JAZF1: variants seen among roughly 807,000 people sequenced by gnomAD.
JAZF1 encodes JAZF zinc finger 1, also known as juxtaposed with another zinc finger protein 1.
Under a neutral mutation model 26.4 loss-of-function variants are expected in JAZF1, and 8 were observed. The ratio of observed to expected loss-of-function variants is 0.30; its 90% confidence interval spans 0.18 to 0.55. The LOEUF is 0.55. JAZF1 is among the 20% of genes least tolerant of loss of function. The pLI is 0.94. For synonymous variants in JAZF1, 126 were observed against 122.3 expected, an observed-to-expected ratio of 1.03 and a Z score of -0.20; for missense variants, 199 against 322.0, an observed-to-expected ratio of 0.62 and a Z score of 2.92.
chr7:28,176,683 G>A (rs1421348302), intron 1 of JAZF1, among the ~76,000 whole-genome samples: 1 of 152,010 alleles, frequency 6.6e-6, no homozygotes. Context: ...ACTTTGCCTG[G>A]CATAAACTAG....
intron 3 of JAZF1, among the ~76,000 whole-genome samples, chr7:27,849,773 A>C (rs1042296677): frequency 3.5e-5 from 4 of 114,006 alleles, no homozygotes; most frequent in South Asian, 2.4e-4. Context: ...ACACACACAC[A>C]CCCCTACACC....
intron 2 of JAZF1, among the ~76,000 whole-genome samples, chr7:27,902,084 T>C (rs1784170966): frequency 6.6e-6 from 1 of 152,216 alleles, no homozygotes; most frequent in African/African-American, 2.4e-5. Flanking sequence ...CTAACCTGAC[T>C]GGGTGAAAGG....
In JAZF1 at chr7:27,830,904, C is replaced by CTATT. The variant is rs1554326521; in HGVS notation, c.*1892_*1895dup. ...GAAAGAAATTTAACATGCACAATGA[C>CTATT]TATTTTATGACTGTTTAGCTGTTGA... On this transcript the variant is annotated 3_prime_UTR_variant, in exon 5 of 5. Coordinates refer to ENST00000283928, the MANE Select transcript of JAZF1 (RefSeq NM_175061.4). 4 of 215,672 alleles carry CTATT rather than the reference C, an allele frequency of 1.9e-5. No homozygotes were observed. The highest frequency in any genetic ancestry group is 9.0e-5 in the African/African-American group (4 of 44,416). The allele number at this position is 215,672 out of a possible 1,614,324, so 13.4% of individuals were successfully genotyped here.
At chr7:27,839,630 T>C (rs1782883874) in intron 4 of JAZF1, among the ~76,000 whole-genome samples, 1 of 152,138 alleles carries the variant, frequency 6.6e-6, no homozygotes, top group South Asian at 2.1e-4. Flanking sequence ...TTCATTTCAG[T>C]TTAAACAATG....
At position 27,883,450 on chromosome 7, in the gene JAZF1, T is replaced by C. The variant is rs553561451; in HGVS notation, c.385+11770A>G. 2.0e-5 allele frequency among the ~76,000 whole-genome samples: 3 copies of C among 152,314 alleles called. No homozygotes were observed. The East Asian group carries it at 5.8e-4, about 29-fold the overall frequency. ...ATTCAGGTTTTTAACTAAATGTAAA[T>C]GGTCAAGTGTGGTATAGGATCACTT... On this transcript the variant is annotated intron_variant, in intron 3 of 4. Transcript: ENST00000283928.
chr7:27,879,500 T>C (rs1170777594), intron 3 of JAZF1, among the ~76,000 whole-genome samples: 1 of 152,196 alleles, frequency 6.6e-6, no homozygotes, highest in Non-Finnish European at 1.5e-5. Flanking sequence ...TACGCTTTAG[T>C]ATCTTCTCTA....
chr7:27,836,329 A>G (rs1393403711), intron 4 of JAZF1, among the ~76,000 whole-genome samples: 1 of 152,084 alleles, frequency 6.6e-6, no homozygotes, highest in African/African-American at 2.4e-5. Context: ...GGGTTCCACC[A>G]TTAGGAACTA....
At chr7:27,966,415 T>C (rs1275790492) in intron 2 of JAZF1, among the ~76,000 whole-genome samples, 1 of 152,180 alleles carries the variant, frequency 6.6e-6, no homozygotes, top group East Asian at 1.9e-4. Context: ...TTGGGGTGGT[T>C]TGGCAACGGA....
chr7:28,069,922 C>T (rs749489949), intron 1 of JAZF1, among the ~76,000 whole-genome samples: 3 of 152,176 alleles, frequency 2.0e-5, no homozygotes, highest in Non-Finnish European at 2.9e-5. Context: ...ACTCCCCTGA[C>T]CTTGAGGCCC....
intron 1 of JAZF1, among the ~76,000 whole-genome samples, chr7:28,168,042 T>C (rs976003167): frequency 1.2e-4 from 19 of 152,148 alleles, no homozygotes; most frequent in Non-Finnish European, 2.9e-5. Context: ...GGAGCAGTTG[T>C]CTTGCACAAT....
intron 2 of JAZF1, among the ~76,000 whole-genome samples, chr7:27,921,320 C>G (rs1345882537): frequency 6.6e-6 from 1 of 152,024 alleles, no homozygotes; most frequent in Non-Finnish European, 1.5e-5. Context: ...TCCCCTTCCC[C>G]CTTCCAGCAA....
rs56927063 is a variant in JAZF1 at position 28,020,460 on chromosome 7, G to A, written c.116-28479C>T. On this transcript the variant is annotated intron_variant, in intron 1 of 4. Transcript: ENST00000283928. The stretch of plus-strand genomic sequence containing the variant: ...CGAGGAGAGCCAGCGCCTCCACGGT[G>A]CCTTCTCCTCCTGGAAGCAGGAGTT... 4.8e-3 allele frequency: 1,917 copies of A among 401,926 alleles called. 31 individuals carry two copies. The highest frequency in any genetic ancestry group is 0.034 in the African/African-American group (1,670 of 48,714). 24.9% of individuals were successfully genotyped at this position (401,926 alleles called of 1,614,324 possible).
intron 3 of JAZF1, among the ~76,000 whole-genome samples, chr7:27,875,005 G>A (rs1354736624): frequency 3.9e-5 from 6 of 152,184 alleles, no homozygotes; most frequent in Non-Finnish European, 7.3e-5. Flanking sequence ...CCAGAGAGCC[G>A]TATTTTGAAG....
rs569729620 is a variant in JAZF1 at position 27,847,510 on chromosome 7, T to G, written c.386-6643A>C. On this transcript the variant is annotated intron_variant, in intron 3 of 4. Coordinates refer to ENST00000283928, the MANE Select transcript of JAZF1 (RefSeq NM_175061.4). ...ATTCGAGTCTATGTAGAAACCCAGT[T>G]GTCCCAGCACCAATTACTGAAGAGA... is the stretch of plus-strand genomic sequence containing the variant. Among the ~76,000 whole-genome samples the G allele has an allele frequency of 5.9e-5, 9 of 152,272 alleles. No homozygotes were observed. In the East Asian group the frequency reaches 1.5e-3, roughly 26 times the overall value.
intron 2 of JAZF1, among the ~76,000 whole-genome samples, chr7:27,932,087 G>C (rs1189712036): frequency 1.3e-5 from 2 of 152,126 alleles, no homozygotes. Flanking sequence ...AAGGTTTGGG[G>C]GACTGGAGAA....
At chr7:28,108,252 T>C (rs1389703159) in intron 1 of JAZF1, among the ~76,000 whole-genome samples, 1 of 152,230 alleles carries the variant, frequency 6.6e-6, no homozygotes, top group African/African-American at 2.4e-5. Flanking sequence ...GCCCAGTTAA[T>C]GCCCCGATTG....
chr7:28,178,127 A>G (rs1783575126), intron 1 of JAZF1, among the ~76,000 whole-genome samples: 1 of 152,174 alleles, frequency 6.6e-6, no homozygotes, highest in Non-Finnish European at 1.5e-5. Context: ...CCACATTTTC[A>G]CTATTAAAAG....
chr7:27,909,002 T>TATTCATTCATTTATTC (rs1554274816), intron 2 of JAZF1, among the ~76,000 whole-genome samples: 1 of 151,052 alleles, frequency 6.6e-6, no homozygotes, highest in Non-Finnish European at 1.5e-5. Context: ...ACTTGAATAA[T>TATTCATTCATTTATTC]ATTCATTCAT....
chr7:28,166,004 A>G (rs1342581115), intron 1 of JAZF1, among the ~76,000 whole-genome samples: 1 of 152,220 alleles, frequency 6.6e-6, no homozygotes, highest in African/African-American at 2.4e-5. Context: ...AAATAAAAAA[A>G]AAGCATTTAA....
Sources: gnomAD v4.1 joint callset for allele counts (sites outside exome capture counted in the v4.1 genomes callset) on GRCh38, gnomAD v4.1.1 for gene constraint, MANE v1.5 for transcripts, NCBI Gene and HGNC (gene_info 2026-07-23, HGNC 2026-07-21) for gene names.